KIAA1217: variants seen among roughly 807,000 people sequenced by gnomAD.
The protein encoded by KIAA1217 is sickle tail protein homolog.
Under a neutral mutation model 163.9 loss-of-function variants are expected in KIAA1217, and 88 were observed. The observed-to-expected ratio is 0.54, with a 90% CI of 0.45 to 0.64. The LOEUF (loss-of-function observed/expected upper bound fraction) is 0.64, where lower values mean the gene tolerates loss of function less well. Ranked by LOEUF, KIAA1217 falls within the 30% of genes least tolerant of loss-of-function variation. The probability of loss-of-function intolerance (pLI) is 0.00; values close to 1 mark genes in which losing one functional copy is unlikely to be tolerated. For synonymous variants in KIAA1217, 903 were observed against 923.1 expected (o/e 0.98, Z 0.39); for missense variants, 2,372 against 2,475.0 (o/e 0.96, Z 0.88).
intron 5 of KIAA1217, chr10:24,449,364 C>T: frequency 1.6e-6 from 1 of 627,064 alleles, no homozygotes; most frequent in Non-Finnish European, 2.0e-6. Context: ...GTTATGACAA[C>T]ATGAGCCATA....
At position 24,403,224 on chromosome 10, in the gene KIAA1217, C is replaced by A. The variant is rs577681843; in HGVS notation, c.553+22157C>A. Among the ~76,000 whole-genome samples the A allele has an allele frequency of 6.6e-5, 10 of 152,052 alleles. 1 individual carries two copies. The South Asian group carries it at 2.1e-3, about 32-fold the overall frequency. On this transcript the variant is annotated intron_variant, in intron 3 of 20. Transcript: ENST00000376454. ...GTTGATAATTGGATCTTATTTTATT[C>A]TATTTATTTATTATTATTATTATTT...
chr10:24,108,631 A>G (rs932582216), intron 2 of KIAA1217, among the ~76,000 whole-genome samples: 1 of 152,226 alleles, frequency 6.6e-6, no homozygotes. Flanking sequence ...GATGAGGAGA[A>G]TGCAATCGAT....
At chr10:24,333,067 G>T (rs943324096) in intron 2 of KIAA1217, among the ~76,000 whole-genome samples, 1 of 152,104 alleles carries the variant, frequency 6.6e-6, no homozygotes, top group Non-Finnish European at 1.5e-5. Context: ...TGTCACCCAG[G>T]CTGGAGCGGG....
rs754629270 is a variant in KIAA1217, at chr10:24,495,207, GT to G, written c.1834+16del. The G allele has an allele frequency of 3.9e-5, 62 of 1,610,360 alleles. No homozygotes were observed. Among genetic ancestry groups the G allele is most frequent in the Non-Finnish European group, 5.1e-5 (60 of 1,178,628 alleles). On this transcript the variant is annotated intron_variant, in intron 8 of 20. Coordinates refer to ENST00000376454, the MANE Select transcript of KIAA1217 (RefSeq NM_019590.5). ...ACACAGATAGTGCAGGTAAGTAAGTGTTTTTGGAGCTGTAGGAGGCCTGTGG... is the reference window on the plus strand; with the variant it reads ...ACACAGATAGTGCAGGTAAGTAAGTGTTTTGGAGCTGTAGGAGGCCTGTGG...
At chr10:24,289,570 C>T (rs938497878) in intron 2 of KIAA1217, among the ~76,000 whole-genome samples, 7 of 152,038 alleles carry the variant, frequency 4.6e-5, no homozygotes, top group Non-Finnish European at 7.4e-5. Context: ...TGCTTGCCAT[C>T]GAATTTTCCA....
intron 2 of KIAA1217, among the ~76,000 whole-genome samples, chr10:24,354,977 A>G (rs1037439185): frequency 8.5e-5 from 13 of 152,232 alleles, no homozygotes; most frequent in African/African-American, 3.1e-4. Context: ...TCATTTGTAC[A>G]AGAAAACATT....
chr10:24,473,557 C>T lies in KIAA1217; in HGVS notation c.1176C>T (p.Phe392=), dbSNP rs747668045. Residue 392 remains phenylalanine, a synonymous_variant, in exon 6 of 21, where the codon TTC becomes TTT. Coordinates refer to ENST00000376454, the MANE Select transcript of KIAA1217 (RefSeq NM_019590.5). Reference sequence around the variant, plus strand: ...TTGCAATGTACAGAAATGAGGGTTTCTATGCTGATCCTTACCTTTATCACG... The same window carrying T: ...TTGCAATGTACAGAAATGAGGGTTTTTATGCTGATCCTTACCTTTATCACG... ...KNIAMYRNEG[F]YADPYLYHEG... 1.5e-5 allele frequency: 24 copies of T among 1,614,164 alleles called. No individual in the cohort carries two copies. In the Admixed American group the frequency reaches 4.0e-4, roughly 27 times the overall value.
intron 1 of KIAA1217, among the ~76,000 whole-genome samples, chr10:23,945,078 G>GA (rs1554828272): frequency 6.7e-6 from 1 of 148,820 alleles, no homozygotes; most frequent in Non-Finnish European, 1.5e-5. Flanking sequence ...AAAAAAAAGG[G>GA]TTTTAACATA....
intron 6 of KIAA1217, among the ~76,000 whole-genome samples, chr10:24,483,443 G>A (rs2133370618): frequency 6.6e-6 from 1 of 152,308 alleles, no homozygotes; most frequent in African/African-American, 2.4e-5. Flanking sequence ...CCTCAGCTCA[G>A]GACTCGCCGT....
chr10:24,149,477 C>G lies in KIAA1217; in HGVS notation c.-170-70149C>G, dbSNP rs567181893. Among the ~76,000 whole-genome samples, 378 of 151,624 alleles carry G rather than the reference C, an allele frequency of 2.5e-3. 1 individual carries two copies. Among genetic ancestry groups the G allele is most frequent in the Middle Eastern group, 3.4e-3 (1 of 294 alleles). ...GGGATTACAGTCATGAGCCTCCATG[C>G]CTGGCCCTATTTTTTTTTAATGTAA... On this transcript the variant is annotated intron_variant, in intron 2 of 18. Transcript: ENST00000376462.
At chr10:24,236,833 G>C (rs867016867) in intron 2 of KIAA1217, among the ~76,000 whole-genome samples, 1 of 151,746 alleles carries the variant, frequency 6.6e-6, no homozygotes, top group Non-Finnish European at 1.5e-5. Flanking sequence ...TGCACTGTTT[G>C]TAGAGACGGG....
intron 2 of KIAA1217, among the ~76,000 whole-genome samples, chr10:24,068,182 T>A (rs540120520): frequency 1.3e-5 from 2 of 152,346 alleles, no homozygotes; most frequent in South Asian, 4.1e-4. Context: ...CCCTGTGAGA[T>A]GAACCCAGTA....
chr10:23,720,074 T>C (rs1837789597), intron 1 of KIAA1217, among the ~76,000 whole-genome samples: 1 of 151,764 alleles, frequency 6.6e-6, no homozygotes, highest in Non-Finnish European at 1.5e-5. Context: ...TTGAATTTAG[T>C]ATGATGGAAA....
chr10:24,393,625 G>A (rs984133294), intron 3 of KIAA1217, among the ~76,000 whole-genome samples: 1 of 152,344 alleles, frequency 6.6e-6, no homozygotes. Flanking sequence ...TTGGAGGTAG[G>A]AACTTCGGAG....
rs199959324 is a variant in KIAA1217 at position 24,527,919 on chromosome 10, G to A, written c.2899-17G>A. 562 of 1,607,792 alleles carry A rather than the reference G, an allele frequency of 3.5e-4. 4 individuals are homozygous for A. Among genetic ancestry groups the A allele is most frequent in the Admixed American group, 5.2e-4 (31 of 59,830 alleles). The stretch of plus-strand genomic sequence containing the variant: ...TATGTGTCCACGTAACTTCCTTTAC[G>A]TGCTATATTCCTCCAGAAAGCAGAA... On this transcript the variant is annotated splice_polypyrimidine_tract_variant and intron_variant, in intron 13 of 20. Transcript: ENST00000376454.
At chr10:24,404,187 G>C (rs1254397638) in intron 3 of KIAA1217, among the ~76,000 whole-genome samples, 1 of 152,110 alleles carries the variant, frequency 6.6e-6, no homozygotes, top group Non-Finnish European at 1.5e-5. Context: ...TCGAACTCTG[G>C]GGTCAAGCGA....
chr10:24,235,596 A>G (rs911229486), intron 2 of KIAA1217, among the ~76,000 whole-genome samples: 1 of 152,218 alleles, frequency 6.6e-6, no homozygotes, highest in African/African-American at 2.4e-5. Context: ...CCTTATCAAC[A>G]TCCTAGAGAT....
intron 1 of KIAA1217, among the ~76,000 whole-genome samples, chr10:23,946,895 C>T (rs746068380): frequency 1.3e-5 from 2 of 152,034 alleles, no homozygotes; most frequent in African/African-American, 2.4e-5. Context: ...TCCTACAATC[C>T]CCACGTTTCG....
chr10:23,942,562 C>A (rs1339518112), intron 1 of KIAA1217, among the ~76,000 whole-genome samples: 1 of 152,178 alleles, frequency 6.6e-6, no homozygotes, highest in Admixed American at 6.5e-5. Context: ...AGTAGCCCCC[C>A]AAATCTCTAA....
Sources: allele counts gnomAD v4.1 joint callset (sites outside exome capture counted in the v4.1 genomes callset), GRCh38; gene constraint gnomAD v4.1.1; transcripts MANE v1.5; gene names NCBI Gene and HGNC (gene_info 2026-07-23, HGNC 2026-07-21).